Variants in VPS54 observed in about 807,000 individuals in gnomAD.
VPS54 encodes vacuolar protein sorting-associated protein 54.
In VPS54, 45 loss-of-function variants were observed where a neutral mutation model predicts 121.5. That is an observed-to-expected ratio of 0.37 (90% CI 0.29 to 0.47). The LOEUF (loss-of-function observed/expected upper bound fraction) is 0.47. Ranked by LOEUF, VPS54 falls within the 20% of genes least tolerant of loss-of-function variation. The pLI is 0.99. For missense variants in VPS54, 1,090 were observed against 1,131.4 expected (o/e 0.96, Z 0.52); for synonymous variants, 371 against 385.8 (o/e 0.96, Z 0.45).
At chr2:63,894,709 A>G (rs1041248621) in intron 22 of VPS54, among the ~76,000 whole-genome samples, 4 of 152,078 alleles carry the variant, frequency 2.6e-5, no homozygotes, top group African/African-American at 9.7e-5. Context: ...TCCAAAAAAA[A>G]AAAAAAGGTT....
rs956733547 is a variant in VPS54 at position 63,913,320 on chromosome 2, G to A, written c.2335-10C>T. Reference sequence around the variant, plus strand: ...TTCTTGAATTGAAGTACTAACAAAAGAAGGAGAAAAAAACCCCAAAATTTA... The same window carrying A: ...TTCTTGAATTGAAGTACTAACAAAAAAAGGAGAAAAAAACCCCAAAATTTA... On this transcript the variant is annotated splice_polypyrimidine_tract_variant and intron_variant, in intron 17 of 22. Transcript: ENST00000272322. 13 of 1,600,822 alleles carry A rather than the reference G, an allele frequency of 8.1e-6. No individual in the cohort carries two copies. Among genetic ancestry groups the A allele is most frequent in the Non-Finnish European group, 1.1e-5 (13 of 1,174,862 alleles).
chr2:63,974,784 A>G (rs1038038119), intron 3 of VPS54, among the ~76,000 whole-genome samples: 4 of 152,180 alleles, frequency 2.6e-5, no homozygotes, highest in Non-Finnish European at 5.9e-5. Context: ...TTAACCTTGT[A>G]TCTTGCAAGC....
rs1254139728 is a variant in VPS54 at position 63,914,046 on chromosome 2, A to G, written c.2334+136T>C. ...TGTTTCCAATAACATGTTGTGATTC[A>G]ACCACAATCAAATGTTATAAAACTA... is the stretch of plus-strand genomic sequence containing the variant. On this transcript the variant is annotated intron_variant, in intron 17 of 22. Coordinates refer to ENST00000272322, the MANE Select transcript of VPS54 (RefSeq NM_016516.3). The G allele has an allele frequency of 2.9e-6, 3 of 1,019,252 alleles. No individual in the cohort carries two copies. The East Asian group carries it at 7.9e-5, about 27-fold the overall frequency. 63.1% of individuals were successfully genotyped at this position (1,019,252 alleles called of 1,614,324 possible).
intron 1 of VPS54, among the ~76,000 whole-genome samples, chr2:64,005,087 TTC>T (rs1301421143): frequency 8.1e-5 from 10 of 122,834 alleles, no homozygotes; most frequent in African/African-American, 3.0e-4. Context: ...CTACTATTGC[TTC>T]TTTTTTTTTT....
chr2:63,913,355 G>A, intron 17 of VPS54, 45 bp from the exon 18 acceptor site: 2 of 1,433,858 alleles, frequency 1.4e-6, no homozygotes, highest in Non-Finnish European at 1.9e-6. Context: ...ACTAAAAACT[G>A]TTCTTTATAT....
intron 7 of VPS54, among the ~76,000 whole-genome samples, chr2:63,953,696 CAGAT>C (rs1002284962): frequency 4.2e-4 from 64 of 151,978 alleles, no homozygotes; most frequent in African/African-American, 9.2e-4. Context: ...GAGAGACAGA[CAGAT>C]AGATGGATGG....
chr2:63,952,377 C>G (rs1484855933), intron 7 of VPS54, among the ~76,000 whole-genome samples: 2 of 152,058 alleles, frequency 1.3e-5, no homozygotes, highest in African/African-American at 2.4e-5. Flanking sequence ...GTTTTAAGCT[C>G]TATTTTGAGG....
Position 63,944,470 on chromosome 2 carries a change from T to C in VPS54, c.1301+130A>G, listed in dbSNP as rs2104515410. 6 of 872,178 alleles carry C rather than the reference T, an allele frequency of 6.9e-6. 1 individual carries two copies. Among genetic ancestry groups the C allele is most frequent in the Admixed American group, 2.7e-5 (1 of 37,570 alleles). 54.0% of individuals were successfully genotyped at this position (872,178 alleles called of 1,614,324 possible). On this transcript the variant is annotated intron_variant, in intron 10 of 22. Coordinates refer to ENST00000272322, the MANE Select transcript of VPS54 (RefSeq NM_016516.3). ...ACTGTCTTCGTTCCACACTGTCACT[T>C]GTGATTTTCCTACACCCTGCTCACA...
At chr2:63,922,252 C>A (rs1222491271) in intron 12 of VPS54, among the ~76,000 whole-genome samples, 3 of 152,122 alleles carry the variant, frequency 2.0e-5, no homozygotes, top group Non-Finnish European at 4.4e-5. Context: ...TATATAAAGA[C>A]CAATGATTCC....
intron 7 of VPS54, among the ~76,000 whole-genome samples, chr2:63,957,224 C>T (rs1194073133): frequency 7.2e-5 from 11 of 151,942 alleles, no homozygotes; most frequent in East Asian, 1.9e-4. Flanking sequence ...GGGCGGATCA[C>T]GAGGTCAGGA....
intron 5 of VPS54, among the ~76,000 whole-genome samples, chr2:63,967,761 C>A (rs1676075002): frequency 7.1e-6 from 1 of 141,066 alleles, no homozygotes; most frequent in South Asian, 2.3e-4. Context: ...AGGGACAAAT[C>A]CTTAAAGGGG....
rs192102452 is a variant in VPS54, at chr2:63,971,418, A to T, written c.457+748T>A. ...AAGGTAAAATTCCTTACCACAGCAT[A>T]TAAGGTTCTTCATGATCTGACCACT... is the stretch of plus-strand genomic sequence containing the variant. On this transcript the variant is annotated intron_variant, in intron 4 of 22. Coordinates refer to ENST00000272322, the MANE Select transcript of VPS54 (RefSeq NM_016516.3). Among the ~76,000 whole-genome samples, 44 of 152,336 alleles carry T rather than the reference A, an allele frequency of 2.9e-4. 1 individual carries two copies. The East Asian group carries it at 8.3e-3, about 29-fold the overall frequency.
intron 20 of VPS54, among the ~76,000 whole-genome samples, chr2:63,907,619 T>C (rs773891837): frequency 9.2e-5 from 14 of 151,360 alleles, no homozygotes; most frequent in Non-Finnish European, 1.8e-4. Flanking sequence ...AAATCAAAAA[T>C]TGCTCTAAGA....
In VPS54 at chr2:63,892,707, T is replaced by C. The variant is rs1407025104; in HGVS notation, c.*723A>G. The C allele has an allele frequency of 2.0e-5, 3 of 148,964 alleles. No individual in the cohort carries two copies. Among genetic ancestry groups the C allele is most frequent in the African/African-American group, 5.0e-5 (2 of 39,698 alleles). 9.2% of individuals were successfully genotyped at this position (148,964 alleles called of 1,614,324 possible). ...TATACCATTTCTGAAAAGTATTTAG[T>C]TGCATAAATAGATGCCAGGATCTTT... On this transcript the variant is annotated 3_prime_UTR_variant, in exon 23 of 23. Coordinates refer to ENST00000272322, the MANE Select transcript of VPS54 (RefSeq NM_016516.3).
At chr2:63,898,272 C>CT (rs1672527349) in intron 21 of VPS54, among the ~76,000 whole-genome samples, 1 of 152,088 alleles carries the variant, frequency 6.6e-6, no homozygotes, top group Non-Finnish European at 1.5e-5. Context: ...AATTAGAACT[C>CT]AGATGGCAAA....
chr2:64,005,537 G>A (rs1194263173), intron 1 of VPS54, among the ~76,000 whole-genome samples: 2 of 152,188 alleles, frequency 1.3e-5, no homozygotes, highest in East Asian at 1.9e-4. Context: ...CAAAGCTACA[G>A]GTACTGTAAA....
chr2:63,921,070 C>A, intron 13 of VPS54, 136 bp downstream of exon 13: 1 of 857,586 alleles, frequency 1.2e-6, no homozygotes, highest in Non-Finnish European at 1.7e-6. Context: ...TAGTAGACCA[C>A]ATCAGTGGTA....
chr2:63,955,160 A>C (rs577208044), intron 7 of VPS54, among the ~76,000 whole-genome samples: 2 of 152,190 alleles, frequency 1.3e-5, no homozygotes, highest in South Asian at 4.1e-4. Flanking sequence ...GATACAGATA[A>C]AACAAACTTT....
chr2:63,947,013 C>T lies in VPS54; in HGVS notation c.1245+370G>A, dbSNP rs184189522. On this transcript the variant is annotated intron_variant, in intron 9 of 22. Coordinates refer to ENST00000272322, the MANE Select transcript of VPS54 (RefSeq NM_016516.3). ...TTAAATTATAAACAACCTAAATATTCAACACAGAGGAAAAGTTAAGTAGAT... is the reference window on the plus strand; with the variant it reads ...TTAAATTATAAACAACCTAAATATTTAACACAGAGGAAAAGTTAAGTAGAT... Among the ~76,000 whole-genome samples the T allele has an allele frequency of 5.5e-4, 83 of 151,934 alleles. 1 individual carries two copies. Among genetic ancestry groups the T allele is most frequent in the African/African-American group, 1.8e-3 (75 of 41,512 alleles).
Sources: gnomAD v4.1 joint callset for allele counts (sites outside exome capture counted in the v4.1 genomes callset) on GRCh38, gnomAD v4.1.1 for gene constraint, MANE v1.5 for transcripts, NCBI Gene and HGNC (gene_info 2026-07-23, HGNC 2026-07-21) for gene names.